GALNT9: variants seen among roughly 807,000 people sequenced by gnomAD.
GALNT9 encodes polypeptide N-acetylgalactosaminyltransferase 9, also known as GalNAc transferase 9.
In GALNT9, 47 loss-of-function variants were observed where a neutral mutation model predicts 63.1. That is an observed-to-expected ratio of 0.75 (90% CI 0.59 to 0.95). The LOEUF (loss-of-function observed/expected upper bound fraction) is 0.95. GALNT9 is among the 40% of genes least tolerant of loss of function. GALNT9 has a pLI of 0.00. For missense variants in GALNT9, 829 were observed against 874.8 expected, an observed-to-expected ratio of 0.95 and a Z score of 0.66; for synonymous variants, 396 against 365.7, an observed-to-expected ratio of 1.08 and a Z score of -0.94.
intron 9 of GALNT9, among the ~76,000 whole-genome samples, 170 bp downstream of exon 9, chr12:132,199,004 G>A (rs982353204): frequency 5.3e-5 from 8 of 152,160 alleles, no homozygotes; most frequent in East Asian, 2.0e-4. Context: ...GGCGGGCTGG[G>A]AGGCCTCTTC....
At position 132,296,031 on chromosome 12, in the gene GALNT9, C is replaced by G. The variant is rs113347674; in HGVS notation, c.239-9601G>C. Among the ~76,000 whole-genome samples, 30 of 142,742 alleles carry G rather than the reference C, an allele frequency of 2.1e-4. No individual in the cohort carries two copies. The highest frequency in any genetic ancestry group is 7.8e-4 in the African/African-American group (27 of 34,606). The allele number at this position is 142,742 out of a possible 152,430, so 93.6% of individuals were successfully genotyped here. ...GGGAGAGCCTCCGGAACAGGGAGAG[C>G]CTCCAGAACAGGGAGAGCCTCTGAA... On this transcript the variant is annotated intron_variant, in intron 1 of 10. Coordinates refer to ENST00000328957, the MANE Select transcript of GALNT9 (RefSeq NM_001122636.2). The surrounding 1 kb of genome is among the most constrained non-coding windows in gnomAD (Gnocchi z 4.2).
intron 6 of GALNT9, among the ~76,000 whole-genome samples, chr12:132,213,468 G>GCACT (rs1186348165): frequency 2.2e-4 from 14 of 63,706 alleles, no homozygotes; most frequent in Admixed American, 1.3e-3. Context: ...CCACACACAG[G>GCACT]CACACTCACA....
At chr12:132,257,046 G>A (rs1355932805) in intron 5 of GALNT9, among the ~76,000 whole-genome samples, 4 of 152,170 alleles carry the variant, frequency 2.6e-5, no homozygotes, top group Non-Finnish European at 4.4e-5. Flanking sequence ...GAGCAGGGGG[G>A]CAGCCATGCC....
At chr12:132,270,539 G>A (rs1343695013) in intron 2 of GALNT9, among the ~76,000 whole-genome samples, 7 of 152,240 alleles carry the variant, frequency 4.6e-5, no homozygotes, top group African/African-American at 7.2e-5. Flanking sequence ...ATGGTTCTGA[G>A]TCTACGACTG....
Position 132,218,006 on chromosome 12 carries a change from C to A in GALNT9, c.1078-14316G>T, listed in dbSNP as rs117355756. Reference sequence around the variant, plus strand: ...TCATCCATCTACCCACTCATTTGCCCACCTAGACACCATCTATCTATCCAT... The same window carrying A: ...TCATCCATCTACCCACTCATTTGCCAACCTAGACACCATCTATCTATCCAT... On this transcript the variant is annotated intron_variant, in intron 6 of 10. Coordinates refer to ENST00000328957, the MANE Select transcript of GALNT9 (RefSeq NM_001122636.2). 4.3e-3 allele frequency among the ~76,000 whole-genome samples: 647 copies of A among 151,396 alleles called. 16 individuals are homozygous for A. The East Asian group carries it at 0.063, about 15-fold the overall frequency.
chr12:132,324,172 AGAC>A (rs1377805905), intron 1 of GALNT9, among the ~76,000 whole-genome samples: 1 of 152,258 alleles, frequency 6.6e-6, no homozygotes, highest in Non-Finnish European at 1.5e-5. Context: ...AGAGCAGAGC[AGAC>A]GCTTGGAAAG....
intron 2 of GALNT9, chr12:132,277,636 G>A (rs890799576): frequency 6.6e-6 from 1 of 150,478 alleles, no homozygotes; most frequent in Non-Finnish European, 1.5e-5. Flanking sequence ...GCAGCTCCAG[G>A]ACTGCTGGGG....
chr12:132,218,250 A>C (rs73488325), intron 6 of GALNT9, among the ~76,000 whole-genome samples: 1,525 of 152,330 alleles, frequency 0.01, 18 homozygotes, highest in African/African-American at 0.035. Context: ...TTAGAGGCCA[A>C]GCAAGCCCTG....
Position 132,282,438 on chromosome 12 carries a change from C to G in GALNT9, c.419+3812G>C, listed in dbSNP as rs373461693. On this transcript the variant is annotated intron_variant, in intron 2 of 10. Transcript: ENST00000328957. The surrounding 1 kb of genome is among the most constrained non-coding windows in gnomAD (Gnocchi z 4.5). ...GTGTGTGTGCGTGTGTGCGTGCATG[C>G]GTGTGTGTGCGTGTGCATGTGTGTG... 5.9e-5 allele frequency among the ~76,000 whole-genome samples: 9 copies of G among 152,172 alleles called. No homozygotes were observed. Among genetic ancestry groups the G allele is most frequent in the African/African-American group, 2.2e-4 (9 of 41,532 alleles).
chr12:132,301,567 T>A (rs533749681), intron 1 of GALNT9, among the ~76,000 whole-genome samples: 355 of 152,350 alleles, frequency 2.3e-3, no homozygotes, highest in Non-Finnish European at 3.8e-3. Flanking sequence ...GGGATGGCTG[T>A]GCGAACATTC....
chr12:132,324,735 C>T (rs1868961494), intron 1 of GALNT9, among the ~76,000 whole-genome samples: 1 of 152,156 alleles, frequency 6.6e-6, no homozygotes, highest in African/African-American at 2.4e-5. Flanking sequence ...CCCCCACCGC[C>T]CCTTTCTCAC....
Position 132,304,173 on chromosome 12 carries a change from ACCCTCACCCAGACACG to A in GALNT9, c.239-17759_239-17744del, listed in dbSNP as rs1401088714. Among the ~76,000 whole-genome samples the A allele has an allele frequency of 1.4e-4, 5 of 34,636 alleles. 1 individual carries two copies. The highest frequency in any genetic ancestry group is 3.7e-4 in the African/African-American group (3 of 8,106). 22.7% of individuals were successfully genotyped at this position (34,636 alleles called of 152,430 possible). On this transcript the variant is annotated intron_variant, in intron 1 of 10. Coordinates refer to ENST00000328957, the MANE Select transcript of GALNT9 (RefSeq NM_001122636.2). ...CCCGGACACGCCCTCACCGGGGCAC[ACCCTCACCCAGACACG>A]CCCTCACCCAGACACGCCCTCACCT...
In GALNT9 at chr12:132,286,251, T is replaced by G; in HGVS notation, c.418A>C (p.Lys140Gln). ...GATGGGGGGCAGTCACTCACTCACT[T>G]TCTGGGCCGGTAGTCGGGGATGCTC... ...DRSIPDYRPR[K>Q]CRQMSYAQDL... Residue 140 changes from lysine (K) to glutamine (Q), a missense_variant and splice_region_variant, in exon 2 of 11, where the codon AAG (lysine) becomes CAG (glutamine). Transcript: ENST00000328957. This position sits in a 1 kb window ranked among gnomAD's most constrained non-coding sequence, Gnocchi z 7.4. 1 of 1,549,448 alleles carries G rather than the reference T, an allele frequency of 6.5e-7. No individual in the cohort carries two copies. The highest frequency in any genetic ancestry group is 1.2e-5 in the South Asian group (1 of 83,964).
chr12:132,299,720 C>T (rs1555243654), intron 1 of GALNT9, among the ~76,000 whole-genome samples: 2 of 129,452 alleles, frequency 1.5e-5, no homozygotes, highest in Admixed American at 7.8e-5. Flanking sequence ...CTGAGATAAC[C>T]CACTCCCATG....
Position 132,196,417 on chromosome 12 carries a change from G to A in GALNT9, c.*690C>T, listed in dbSNP as rs1214144739. 4.1e-6 allele frequency: 4 copies of A among 984,772 alleles called. No individual in the cohort carries two copies. The South Asian group carries it at 1.9e-4, about 46-fold the overall frequency. The allele number at this position is 984,772 out of a possible 1,614,324, so 61.0% of individuals were successfully genotyped here. ...ACTGTATTTATTAAAACAGGCAAGG[G>A]GCTGGGCTGCGGCAGGGCCCAGGTG... On this transcript the variant is annotated 3_prime_UTR_variant, in exon 11 of 11. Transcript: ENST00000328957.
Position 132,201,010 on chromosome 12 carries a change from C to T in GALNT9, c.1401+114G>A, listed in dbSNP as rs145125605. On this transcript the variant is annotated intron_variant, in intron 8 of 10. Coordinates refer to ENST00000328957, the MANE Select transcript of GALNT9 (RefSeq NM_001122636.2). ...GCCGAGTGGGACCCTCTGGGGGAGG[C>T]GCTACCTCTCCGTGTGCATGTGGAT... 8.6e-3 allele frequency: 9,083 copies of T among 1,050,904 alleles called. 75 individuals carry two copies. Among genetic ancestry groups the T allele is most frequent in the Non-Finnish European group, 0.01 (7,311 of 719,734 alleles). 65.1% of individuals were successfully genotyped at this position (1,050,904 alleles called of 1,614,324 possible).
At position 132,245,358 on chromosome 12, in the gene GALNT9, G is replaced by T. The variant is rs1437668206; in HGVS notation, c.1077+2552C>A. ...TTGGGAGGCTGAAGCAGGAGAATCA[G>T]TTGAACCCGGGAGGTGGAGGTTGCA... On this transcript the variant is annotated intron_variant, in intron 6 of 10. Transcript: ENST00000328957. This position sits in a 1 kb window ranked among gnomAD's most constrained non-coding sequence, Gnocchi z 6.3. Among the ~76,000 whole-genome samples the T allele has an allele frequency of 1.3e-5, 2 of 152,086 alleles. No homozygotes were observed. The highest frequency in any genetic ancestry group is 2.9e-5 in the Non-Finnish European group (2 of 68,002).
At position 132,245,925 on chromosome 12, in the gene GALNT9, T is replaced by TCCTC. The variant is rs1183629303; in HGVS notation, c.1077+1981_1077+1984dup. ...GGTGCCCTCCACCCCAGGGGTCCCG[T>TCCTC]CCTCCCTCGCTCTTCGGCCTCGGTG... On this transcript the variant is annotated intron_variant, in intron 6 of 10. Coordinates refer to ENST00000328957, the MANE Select transcript of GALNT9 (RefSeq NM_001122636.2). The surrounding 1 kb of genome is among the most constrained non-coding windows in gnomAD (Gnocchi z 6.3). Among the ~76,000 whole-genome samples the TCCTC allele has an allele frequency of 1.3e-5, 2 of 152,028 alleles. No individual in the cohort carries two copies. Among genetic ancestry groups the TCCTC allele is most frequent in the Admixed American group, 1.3e-4 (2 of 15,280 alleles).
chr12:132,323,915 G>A (rs1868916333), intron 1 of GALNT9, among the ~76,000 whole-genome samples: 2 of 152,220 alleles, frequency 1.3e-5, no homozygotes, highest in South Asian at 2.1e-4. Flanking sequence ...CCTCCAGGGC[G>A]CTGCAGCTGT....
Sources: gnomAD v4.1 joint callset for allele counts (sites outside exome capture counted in the v4.1 genomes callset) on GRCh38, gnomAD v4.1.1 for gene constraint, Gnocchi (gnomAD v3.1) non-coding constraint, MANE v1.5 for transcripts, NCBI Gene and HGNC (gene_info 2026-07-23, HGNC 2026-07-21) for gene names.